MYL4: variants seen among roughly 807,000 people sequenced by gnomAD.
MYL4 encodes the protein atrial myosin light chain 1.
MYL4 carries 16 observed loss-of-function variants against 21.6 expected under a neutral mutation model. That is an observed-to-expected ratio of 0.74 (90% CI 0.50 to 1.12). MYL4 has a LOEUF of 1.12. Ranked by LOEUF, MYL4 falls within the 50% of genes most tolerant of loss-of-function variation. MYL4 has a pLI of 0.00. For synonymous variants in MYL4, 82 were observed against 95.7 expected (o/e 0.86, Z 0.83); for missense variants, 249 against 252.9 (o/e 0.98, Z 0.11).
chr17:47,221,595 A>G lies in MYL4; in HGVS notation c.314-87A>G, dbSNP rs189539172. ...CAGCCCAAGCCCTGGGTGCTGTCAGACTTGGGGTGAGGCCCCCTCTTGACC... is the reference window on the plus strand; with the variant it reads ...CAGCCCAAGCCCTGGGTGCTGTCAGGCTTGGGGTGAGGCCCCCTCTTGACC... On this transcript the variant is annotated intron_variant, in intron 3 of 6. Transcript: ENST00000393450. 4,235 of 1,471,634 alleles carry G rather than the reference A, an allele frequency of 2.9e-3. 13 individuals carry two copies. Among genetic ancestry groups the G allele is most frequent in the Admixed American group, 3.8e-3 (203 of 53,066 alleles). 91.2% of individuals were successfully genotyped at this position (1,471,634 alleles called of 1,614,324 possible).
At chr17:47,199,240 CAAA>C (rs141005807), upstream of MYL4, among the ~76,000 whole-genome samples, 1 of 76,188 alleles carries the variant, frequency 1.3e-5, no homozygotes, top group Non-Finnish European at 2.6e-5. Context: ...GACTCTGTCT[CAAA>C]AAAAAAAAAA....
intron 2 of MYL4, among the ~76,000 whole-genome samples, chr17:47,214,503 A>G (rs1297104548): frequency 2.0e-5 from 3 of 152,190 alleles, no homozygotes; most frequent in Non-Finnish European, 4.4e-5. Context: ...AATTATAGGA[A>G]TTGGAAGGGA....
At chr17:47,198,664 A>G (rs1037447720), upstream of MYL4, among the ~76,000 whole-genome samples, 1 of 152,216 alleles carries the variant, frequency 6.6e-6, no homozygotes, top group Non-Finnish European at 1.5e-5. Context: ...GGAGAGCCTC[A>G]GATGAGAAAT....
the MYL4 span, among the ~76,000 whole-genome samples, chr17:47,194,917 C>G: frequency 6.7e-6 from 1 of 149,870 alleles, no homozygotes; most frequent in Non-Finnish European, 1.5e-5. Context: ...TTTTTTGTAT[C>G]CTTTGTAGAG....
chr17:47,194,515 A>C, the MYL4 span, among the ~76,000 whole-genome samples: 3 of 152,224 alleles, frequency 2.0e-5, no homozygotes, highest in African/African-American at 4.8e-5. Flanking sequence ...AGTGTGGCAT[A>C]TTTTGACTCT....
At chr17:47,190,422 T>A in the MYL4 span, among the ~76,000 whole-genome samples, 2 of 152,216 alleles carry the variant, frequency 1.3e-5, no homozygotes, top group Non-Finnish European at 2.9e-5. Context: ...CTGTTTAAAT[T>A]TTGTTTTTCA....
At chr17:47,217,223 G>A (rs1405177143) in intron 2 of MYL4, among the ~76,000 whole-genome samples, 1 of 152,188 alleles carries the variant, frequency 6.6e-6, no homozygotes, top group Non-Finnish European at 1.5e-5. Context: ...TTGGGAGGCT[G>A]AGGCAGGTGG....
chr17:47,214,525 C>A (rs1394301143), intron 2 of MYL4, among the ~76,000 whole-genome samples: 1 of 152,198 alleles, frequency 6.6e-6, no homozygotes, highest in East Asian at 1.9e-4. Context: ...CTTGAAAAAT[C>A]ACCTAATCCA....
At chr17:47,197,173 A>T (rs533200999), upstream of MYL4, among the ~76,000 whole-genome samples, 4 of 142,856 alleles carry the variant, frequency 2.8e-5, no homozygotes, top group African/African-American at 1.1e-4. Flanking sequence ...ATCTCGGCTC[A>T]CTGCAAGCTC....
chr17:47,219,701 G>A (rs1431171960), intron 2 of MYL4, among the ~76,000 whole-genome samples: 2 of 152,164 alleles, frequency 1.3e-5, no homozygotes, highest in Non-Finnish European at 2.9e-5. Context: ...ATGGGTCGTG[G>A]AGGCACCAGG....
chr17:47,216,322 T>C (rs2064813897), intron 2 of MYL4, among the ~76,000 whole-genome samples: 1 of 148,944 alleles, frequency 6.7e-6, no homozygotes, highest in Non-Finnish European at 1.5e-5. Context: ...TTTTTTTTTT[T>C]TCTAGTTGTA....
downstream of MYL4, among the ~76,000 whole-genome samples, chr17:47,225,818 T>C (rs1008555947): frequency 1.3e-5 from 2 of 151,732 alleles, no homozygotes; most frequent in Non-Finnish European, 2.9e-5. Flanking sequence ...ACATTCTCCT[T>C]AGCACTGGGG....
At chr17:47,223,292 T>G in intron 6 of MYL4, 1 of 520,214 alleles carries the variant, frequency 1.9e-6, no homozygotes, top group Non-Finnish European at 3.4e-6. Context: ...CCAGGATCTC[T>G]CAAGGCAATG....
chr17:47,192,308 T>A, the MYL4 span, among the ~76,000 whole-genome samples: 2 of 134,708 alleles, frequency 1.5e-5, no homozygotes, highest in African/African-American at 5.7e-5. Context: ...GAGCTGAGAT[T>A]GCGCCATTGT....
chr17:47,208,573 A>G (rs935434141), upstream of MYL4, among the ~76,000 whole-genome samples: 7 of 151,830 alleles, frequency 4.6e-5, no homozygotes, highest in African/African-American at 1.7e-4. Context: ...ACACACACAC[A>G]CACACACACA....
upstream of MYL4, among the ~76,000 whole-genome samples, chr17:47,195,879 T>C (rs1250679144): frequency 6.6e-6 from 1 of 152,256 alleles, no homozygotes; most frequent in Non-Finnish European, 1.5e-5. Flanking sequence ...ACTTCTGGTC[T>C]AGTCTATAAG....
intron 2 of MYL4, among the ~76,000 whole-genome samples, chr17:47,219,542 T>C (rs1399671614): frequency 6.6e-6 from 1 of 152,076 alleles, no homozygotes; most frequent in Admixed American, 6.6e-5. Flanking sequence ...GGAGTTTCAC[T>C]CTGTCACCCA....
chr17:47,209,546 A>G lies in MYL4; in HGVS notation c.124A>G (p.Lys42Glu). ...TCCCAAGGAACCTGCCTTTGACCCC[A>G]AGAGTGTAAAGGTAAGTGAGGCTCA... ...EAPKEPAFDP[K>E]SVKIDFTADQ... Residue 42 changes from lysine (K) to glutamate (E), a missense_variant, in exon 1 of 7, where the codon AAG becomes GAG. Transcript: ENST00000393450. 1 of 1,614,174 alleles carries G rather than the reference A, an allele frequency of 6.2e-7. No homozygotes were observed. Among genetic ancestry groups the G allele is most frequent in the East Asian group, 2.2e-5 (1 of 44,870 alleles).
chr17:47,202,991 G>T (rs1235015733), intron 1 of MYL4, among the ~76,000 whole-genome samples: 6 of 151,986 alleles, frequency 3.9e-5, no homozygotes, highest in Non-Finnish European at 8.8e-5. Context: ...TCATTCTGTT[G>T]CCCAGGCTGG....
Sources: gnomAD v4.1 joint callset for allele counts (sites outside exome capture counted in the v4.1 genomes callset) on GRCh38, gnomAD v4.1.1 for gene constraint, MANE v1.5 for transcripts, NCBI Gene and HGNC (gene_info 2026-07-23, HGNC 2026-07-21) for gene names.